THEMIS: variants seen among roughly 807,000 people sequenced by gnomAD.
THEMIS encodes thymocyte selection associated, also known as protein THEMIS.
A neutral mutation model predicts 52.6 loss-of-function variants in THEMIS; 37 were observed. That is an observed-to-expected ratio of 0.70 (90% confidence interval 0.54 to 0.93). THEMIS has a LOEUF of 0.93. Ranked by LOEUF, THEMIS falls within the 40% of genes least tolerant of loss-of-function variation. The pLI is 0.00. For missense variants in THEMIS, 808 were observed against 763.1 expected (o/e 1.06, Z -0.69); for synonymous variants, 292 against 272.7 (o/e 1.07, Z -0.70).
chr6:127,786,686 T>A (rs565980991), intron 4 of THEMIS, among the ~76,000 whole-genome samples: 1 of 152,300 alleles, frequency 6.6e-6, no homozygotes, highest in East Asian at 1.9e-4. Context: ...CAGTTAGAAA[T>A]GGCAGGCTAA....
chr6:127,882,851 G>C (rs1445061071), intron 1 of THEMIS, among the ~76,000 whole-genome samples: 1 of 151,708 alleles, frequency 6.6e-6, no homozygotes, highest in Non-Finnish European at 1.5e-5. Flanking sequence ...ATCACTGCTT[G>C]GTTTATTTGA....
rs779949402 is a variant in THEMIS at position 127,813,348 on chromosome 6, T to C, written c.1293A>G (p.Glu431=). The C allele has an allele frequency of 6.2e-7, 1 of 1,614,114 alleles. No individual in the cohort carries two copies. The highest frequency in any genetic ancestry group is 1.7e-5 in the Admixed American group (1 of 60,008). The change falls in exon 4 of 6, where the codon GAA becomes GAG. Residue 431 remains glutamate, a synonymous_variant. Coordinates refer to ENST00000368248, the MANE Select transcript of THEMIS (RefSeq NM_001010923.3). Reference sequence around the variant, plus strand: ...CATGAATCACCTCTACAAAACCTCCTTCCATGTACAAAGGGAGCAGCGCAG... The same window carrying C: ...CATGAATCACCTCTACAAAACCTCCCTCCATGTACAAAGGGAGCAGCGCAG... ...YEAALLPLYM[E]GGFVEVIHDK...
chr6:127,870,376 G>T (rs1780120501), intron 1 of THEMIS, among the ~76,000 whole-genome samples: 1 of 152,106 alleles, frequency 6.6e-6, no homozygotes, highest in Non-Finnish European at 1.5e-5. Context: ...AGAGAAACCT[G>T]GGATTTTTAT....
chr6:127,754,255 C>T, intron 4 of THEMIS, among the ~76,000 whole-genome samples: 1 of 152,156 alleles, frequency 6.6e-6, no homozygotes, highest in East Asian at 1.9e-4. Flanking sequence ...AACCATGTGT[C>T]TAGGTTTCCA....
At chr6:127,738,197 A>G (rs1015649210) in intron 4 of THEMIS, among the ~76,000 whole-genome samples, 2 of 152,222 alleles carry the variant, frequency 1.3e-5, no homozygotes, top group African/African-American at 4.8e-5. Context: ...AATATAAAGC[A>G]AGAATTCAGT....
chr6:127,892,754 T>G (rs1780849323), intron 1 of THEMIS, among the ~76,000 whole-genome samples: 1 of 152,172 alleles, frequency 6.6e-6, no homozygotes, highest in African/African-American at 2.4e-5. Context: ...ACCTCGAAAG[T>G]CTGTAACCGT....
intron 4 of THEMIS, among the ~76,000 whole-genome samples, chr6:127,727,104 T>G (rs531820092): frequency 6.6e-6 from 1 of 152,302 alleles, no homozygotes; most frequent in African/African-American, 2.4e-5. Context: ...AATGCCAAAG[T>G]TGGCTTACTC....
intron 4 of THEMIS, among the ~76,000 whole-genome samples, chr6:127,727,697 T>C (rs1296026546): frequency 6.6e-6 from 1 of 152,160 alleles, no homozygotes; most frequent in Non-Finnish European, 1.5e-5. Context: ...ATCTCACTAT[T>C]TCTTCAAGCC....
chr6:127,764,066 G>A (rs1419527332), intron 4 of THEMIS, among the ~76,000 whole-genome samples: 1 of 151,896 alleles, frequency 6.6e-6, no homozygotes, highest in Non-Finnish European at 1.5e-5. Flanking sequence ...CCCAAGTTTA[G>A]AAAGAAAGAC....
At chr6:127,865,145 C>T (rs1239009349) in intron 1 of THEMIS, among the ~76,000 whole-genome samples, 1 of 152,070 alleles carries the variant, frequency 6.6e-6, no homozygotes, top group African/African-American at 2.4e-5. Flanking sequence ...ATGCAGCACC[C>T]CCTTAGAGGT....
chr6:127,861,409 T>C (rs1252545601), intron 1 of THEMIS, among the ~76,000 whole-genome samples: 1 of 152,110 alleles, frequency 6.6e-6, no homozygotes, highest in African/African-American at 2.4e-5. Context: ...TAAAGCTTCA[T>C]GTTATTATCT....
intron 4 of THEMIS, among the ~76,000 whole-genome samples, chr6:127,755,158 T>C (rs1319940592): frequency 1.3e-5 from 2 of 152,206 alleles, no homozygotes; most frequent in Non-Finnish European, 2.9e-5. Flanking sequence ...CAAAATAATA[T>C]AATGCTCTTG....
At chr6:127,766,325 T>C (rs1583250741) in intron 4 of THEMIS, among the ~76,000 whole-genome samples, 2 of 152,166 alleles carry the variant, frequency 1.3e-5, no homozygotes, top group East Asian at 3.8e-4. Flanking sequence ...TAACCAACAG[T>C]TTTGTTGAAT....
chr6:127,811,567 GCA>G (rs1486744471), intron 4 of THEMIS, among the ~76,000 whole-genome samples: 1 of 152,132 alleles, frequency 6.6e-6, no homozygotes, highest in East Asian at 1.9e-4. Flanking sequence ...TTAATTTTAA[GCA>G]CATGTGCAAA....
intron 3 of THEMIS, among the ~76,000 whole-genome samples, chr6:127,818,703 C>T (rs2114625373): frequency 6.6e-6 from 1 of 151,662 alleles, no homozygotes; most frequent in South Asian, 2.1e-4. Context: ...AGACCAGGAA[C>T]TTAAAATTTA....
intron 1 of THEMIS, among the ~76,000 whole-genome samples, chr6:127,900,213 T>C (rs988583896): frequency 6.6e-6 from 1 of 151,960 alleles, no homozygotes; most frequent in East Asian, 1.9e-4. Context: ...TGAATTAACA[T>C]AGTGAGTTAC....
chr6:127,864,518 A>T (rs1317651782), intron 1 of THEMIS, among the ~76,000 whole-genome samples: 6 of 152,084 alleles, frequency 3.9e-5, no homozygotes, highest in African/African-American at 1.4e-4. Context: ...TTCAATAGAG[A>T]GGCATCCTGG....
In THEMIS at chr6:127,917,365, A is replaced by G. The variant is rs761846457; in HGVS notation, c.-150+1063T>C. Among the ~76,000 whole-genome samples, 63 of 152,328 alleles carry G rather than the reference A, an allele frequency of 4.1e-4. No homozygotes were observed. The Middle Eastern group carries it at 0.01, about 25-fold the overall frequency. Reference sequence around the variant, plus strand: ...TTGGTTGCAAGCTACATAAATCAACAATAATTAAAGAAATGTGGGGAATTT... The same window carrying G: ...TTGGTTGCAAGCTACATAAATCAACGATAATTAAAGAAATGTGGGGAATTT... On this transcript the variant is annotated intron_variant, in intron 1 of 6. Transcript: ENST00000368250.
At chr6:127,885,469 T>C (rs1780615950) in intron 1 of THEMIS, among the ~76,000 whole-genome samples, 1 of 151,930 alleles carries the variant, frequency 6.6e-6, no homozygotes, top group African/African-American at 2.4e-5. Flanking sequence ...TAAATACTGA[T>C]AAAAAATAAA....
Sources: gnomAD v4.1 joint callset for allele counts (sites outside exome capture counted in the v4.1 genomes callset) on GRCh38, gnomAD v4.1.1 for gene constraint, MANE v1.5 for transcripts, NCBI Gene and HGNC (gene_info 2026-07-23, HGNC 2026-07-21) for gene names.